Variants in AGAP1 observed in about 807,000 individuals in gnomAD.
AGAP1 encodes ArfGAP with GTPase domain, ankyrin repeat and PH domain 1, also known as arf-GAP with GTPase, ANK repeat and PH domain-containing protein 1.
In AGAP1, 29 loss-of-function variants were observed where a neutral mutation model predicts 105.3. That is an observed-to-expected ratio of 0.28 (90% CI 0.21 to 0.38). The LOEUF (loss-of-function observed/expected upper bound fraction) is 0.38, where lower values mean the gene tolerates loss of function less well. Ranked by LOEUF, AGAP1 falls within the 10% of genes least tolerant of loss-of-function variation. AGAP1 has a pLI of 1.00. For synonymous variants in AGAP1, 509 were observed against 485.9 expected, an observed-to-expected ratio of 1.05 and a Z score of -0.63; for missense variants, 998 against 1,165.1, an observed-to-expected ratio of 0.86 and a Z score of 2.09.
rs900369236 is a variant in AGAP1 at position 235,889,285 on chromosome 2, G to C, written c.1155+5836G>C. Among the ~76,000 whole-genome samples, 4 of 152,158 alleles carry C rather than the reference G, an allele frequency of 2.6e-5. No individual in the cohort carries two copies. Among genetic ancestry groups the C allele is most frequent in the Admixed American group, 2.6e-4 (4 of 15,284 alleles). On this transcript the variant is annotated intron_variant, in intron 10 of 17. Transcript: ENST00000304032. This position sits in a 1 kb window ranked among gnomAD's most constrained non-coding sequence, Gnocchi z 4.6. ...AACAAAGCAGCCAGTCATGAAACTG[G>C]GGAAACCTGACATTGCAGGACACCG...
rs1462257412 is a variant in AGAP1, at chr2:235,549,822, A to T, written c.163+54973A>T. ...ATAGACAACATCCTAGTTGCATCTCACCGCGGCCTAACATCCCCGGGAGCA... is the reference window on the plus strand; with the variant it reads ...ATAGACAACATCCTAGTTGCATCTCTCCGCGGCCTAACATCCCCGGGAGCA... On this transcript the variant is annotated intron_variant, in intron 1 of 17. Transcript: ENST00000304032. This position sits in a 1 kb window ranked among gnomAD's most constrained non-coding sequence, Gnocchi z 4.2. 6.6e-6 allele frequency among the ~76,000 whole-genome samples: 1 copy of T among 152,110 alleles called. No individual in the cohort carries two copies. The highest frequency in any genetic ancestry group is 1.9e-4 in the East Asian group (1 of 5,164).
chr2:235,560,416 C>T (rs1944109137), intron 1 of AGAP1, among the ~76,000 whole-genome samples: 1 of 152,054 alleles, frequency 6.6e-6, no homozygotes, highest in Admixed American at 6.5e-5. Flanking sequence ...AAAATGGCCC[C>T]GAGATGCCTG....
At chr2:235,978,934 G>A (rs1006983992) in intron 13 of AGAP1, among the ~76,000 whole-genome samples, 4 of 152,126 alleles carry the variant, frequency 2.6e-5, no homozygotes, top group Non-Finnish European at 5.9e-5. Flanking sequence ...GCAAATCACT[G>A]CTTCAGCTGC....
intron 6 of AGAP1, among the ~76,000 whole-genome samples, chr2:235,756,567 A>G (rs973169191): frequency 1.3e-5 from 2 of 152,046 alleles, no homozygotes; most frequent in African/African-American, 4.8e-5. Context: ...GCTGATAAAG[A>G]TGTACGTGAG....
In AGAP1 at chr2:235,830,195, G is replaced by A. The variant is rs191195815; in HGVS notation, c.1050+22864G>A. 6.6e-4 allele frequency among the ~76,000 whole-genome samples: 101 copies of A among 152,338 alleles called. No homozygotes were observed. The highest frequency in any genetic ancestry group is 1.2e-3 in the Non-Finnish European group (82 of 68,026). ...GCCCAGAAAAGATGCAGACAAGGTA[G>A]GAGTCGGCTCTGTGTGACTTCCCCA... is the stretch of plus-strand genomic sequence containing the variant. On this transcript the variant is annotated intron_variant, in intron 9 of 17. Transcript: ENST00000304032. This position sits in a 1 kb window ranked among gnomAD's most constrained non-coding sequence, Gnocchi z 5.5.
chr2:235,867,357 A>G lies in AGAP1; in HGVS notation c.1051-15988A>G, dbSNP rs897986249. On this transcript the variant is annotated intron_variant, in intron 9 of 17. Transcript: ENST00000304032. This position sits in a 1 kb window ranked among gnomAD's most constrained non-coding sequence, Gnocchi z 5.4. ...ATGAACTTGACTGTGTTCCGATAAA[A>G]CTTTATTTACAGAAAGAGGCAGAGG... is the stretch of plus-strand genomic sequence containing the variant. Among the ~76,000 whole-genome samples, 6 of 152,134 alleles carry G rather than the reference A, an allele frequency of 3.9e-5. No individual in the cohort carries two copies. Among genetic ancestry groups the G allele is most frequent in the African/African-American group, 1.4e-4 (6 of 41,500 alleles).
chr2:236,020,978 C>G lies in AGAP1; in HGVS notation c.1646-15583C>G, dbSNP rs185146172. On this transcript the variant is annotated intron_variant, in intron 13 of 17. Coordinates refer to ENST00000304032, the MANE Select transcript of AGAP1 (RefSeq NM_001037131.3). This position sits in a 1 kb window ranked among gnomAD's most constrained non-coding sequence, Gnocchi z 5.0. Reference sequence around the variant, plus strand: ...GTCAGACATTCGAGACCAGCCTGGTCAACGTGGTGAAACCCCATCTCTACT... The same window carrying G: ...GTCAGACATTCGAGACCAGCCTGGTGAACGTGGTGAAACCCCATCTCTACT... Among the ~76,000 whole-genome samples, 835 of 152,030 alleles carry G rather than the reference C, an allele frequency of 5.5e-3. 5 individuals are homozygous for G. The highest frequency in any genetic ancestry group is 0.019 in the African/African-American group (788 of 41,462).
Position 235,993,475 on chromosome 2 carries a change from G to GAGC in AGAP1, c.1645+24854_1645+24856dup, listed in dbSNP as rs1479790328. 6.6e-6 allele frequency among the ~76,000 whole-genome samples: 1 copy of GAGC among 152,198 alleles called. No individual in the cohort carries two copies. Among genetic ancestry groups the GAGC allele is most frequent in the African/African-American group, 2.4e-5 (1 of 41,462 alleles). On this transcript the variant is annotated intron_variant, in intron 13 of 17. Coordinates refer to ENST00000304032, the MANE Select transcript of AGAP1 (RefSeq NM_001037131.3). This position sits in a 1 kb window ranked among gnomAD's most constrained non-coding sequence, Gnocchi z 5.0. Reference sequence around the variant, plus strand: ...ACTGCTTCTCAAAGTGGAAGACAGGGAGCACCTCTGCAGGCCTATAGGGAG... The same window carrying GAGC: ...ACTGCTTCTCAAAGTGGAAGACAGGGAGCAGCACCTCTGCAGGCCTATAGGGAG...
rs536820056 is a variant in AGAP1 at position 235,525,184 on chromosome 2, A to C, written c.163+30335A>C. Among the ~76,000 whole-genome samples the C allele has an allele frequency of 2.0e-5, 3 of 152,338 alleles. No homozygotes were observed. In the East Asian group the frequency reaches 5.8e-4, roughly 29 times the overall value. ...GTCGGTGCCTCTTTTGAAACTGGAG[A>C]TATTGATATGATCTTAAGCAAATGT... is the stretch of plus-strand genomic sequence containing the variant. On this transcript the variant is annotated intron_variant, in intron 1 of 17. Coordinates refer to ENST00000304032, the MANE Select transcript of AGAP1 (RefSeq NM_001037131.3).
chr2:235,816,857 C>T (rs2106256472), intron 9 of AGAP1, among the ~76,000 whole-genome samples: 1 of 151,582 alleles, frequency 6.6e-6, no homozygotes, highest in East Asian at 1.9e-4. Context: ...TGCTACTGGA[C>T]TCCTTTTTTG....
intron 13 of AGAP1, among the ~76,000 whole-genome samples, chr2:236,017,091 C>T (rs1189337596): frequency 1.3e-5 from 2 of 151,704 alleles, no homozygotes; most frequent in African/African-American, 4.8e-5. Flanking sequence ...GAGTTTGAGA[C>T]CAGCCTGGCC....
rs1576180852 is a variant in AGAP1, at chr2:236,053,370, G to T, written c.2114+4089G>T. Among the ~76,000 whole-genome samples the T allele has an allele frequency of 6.6e-6, 1 of 152,166 alleles. No homozygotes were observed. The highest frequency in any genetic ancestry group is 2.4e-5 in the African/African-American group (1 of 41,438). On this transcript the variant is annotated intron_variant, in intron 16 of 17. Transcript: ENST00000304032. The surrounding 1 kb of genome is among the most constrained non-coding windows in gnomAD (Gnocchi z 4.6). ...TGGAATTCCTCATGTGAGTGAAACC[G>T]GGGCTTTGACGTTTGCAGCACCAGC...
At chr2:236,115,245 A>T (rs1233608039) in intron 16 of AGAP1, among the ~76,000 whole-genome samples, 2 of 152,228 alleles carry the variant, frequency 1.3e-5, no homozygotes, top group Non-Finnish European at 2.9e-5. Context: ...CGCTGTTTGC[A>T]GGGGAACCAC....
In AGAP1 at chr2:236,012,875, T is replaced by C. The variant is rs2056564823; in HGVS notation, c.1646-23686T>C. On this transcript the variant is annotated intron_variant, in intron 13 of 17. Transcript: ENST00000304032. The surrounding 1 kb of genome is among the most constrained non-coding windows in gnomAD (Gnocchi z 4.9). Reference sequence around the variant, plus strand: ...CTCACTGCAACCTCCGCCTCCAGAGTAGCTGGGATTATAGGCGTGCCCCAC... The same window carrying C: ...CTCACTGCAACCTCCGCCTCCAGAGCAGCTGGGATTATAGGCGTGCCCCAC... 6.6e-6 allele frequency among the ~76,000 whole-genome samples: 1 copy of C among 152,056 alleles called. No individual in the cohort carries two copies. The highest frequency in any genetic ancestry group is 1.5e-5 in the Non-Finnish European group (1 of 68,014).
intron 1 of AGAP1, among the ~76,000 whole-genome samples, chr2:235,516,894 C>G (rs895496196): frequency 6.6e-6 from 1 of 152,212 alleles, no homozygotes; most frequent in Non-Finnish European, 1.5e-5. Context: ...TGCAAACAGC[C>G]ATGCAGATGT....
At chr2:235,778,209 G>T (rs1051042674) in intron 6 of AGAP1, among the ~76,000 whole-genome samples, 44 of 152,174 alleles carry the variant, frequency 2.9e-4, no homozygotes, top group Non-Finnish European at 8.8e-5. Flanking sequence ...GCACCAGGTT[G>T]TATTGGTTCA....
chr2:235,521,813 G>A (rs917933120), intron 1 of AGAP1, among the ~76,000 whole-genome samples: 3 of 151,218 alleles, frequency 2.0e-5, no homozygotes, highest in Non-Finnish European at 2.9e-5. Context: ...TATAGTCTAC[G>A]TCTATCTTTT....
intron 12 of AGAP1, among the ~76,000 whole-genome samples, chr2:235,932,528 G>A (rs575266220): frequency 1.1e-3 from 161 of 152,340 alleles, no homozygotes; most frequent in African/African-American, 3.7e-3. Context: ...GGCCACGTTT[G>A]AGGGCGTGGG....
chr2:235,962,888 T>A lies in AGAP1; in HGVS notation c.1484-5574T>A, dbSNP rs1221889788. Among the ~76,000 whole-genome samples, 1 of 152,148 alleles carries A rather than the reference T, an allele frequency of 6.6e-6. No individual in the cohort carries two copies. Among genetic ancestry groups the A allele is most frequent in the African/African-American group, 2.4e-5 (1 of 41,426 alleles). ...TCTACCATCTGATGCCTGTAGCACC[T>A]CCACTCCACCCAGTTTGATACCCAG... On this transcript the variant is annotated intron_variant, in intron 12 of 17. Transcript: ENST00000304032. This position sits in a 1 kb window ranked among gnomAD's most constrained non-coding sequence, Gnocchi z 5.3.
Sources: gnomAD v4.1 joint callset for allele counts (sites outside exome capture counted in the v4.1 genomes callset) on GRCh38, gnomAD v4.1.1 for gene constraint, Gnocchi (gnomAD v3.1) non-coding constraint, MANE v1.5 for transcripts, NCBI Gene and HGNC (gene_info 2026-07-23, HGNC 2026-07-21) for gene names.